Variants in POLR3A observed in about 807,000 individuals in gnomAD.
POLR3A encodes the protein RNA polymerase III subunit A, also known as DNA-directed RNA polymerase III subunit RPC1.
Under a neutral mutation model 152.8 loss-of-function variants are expected in POLR3A, and 112 were observed. The observed-to-expected ratio is 0.73, with a 90% confidence interval of 0.63 to 0.86. POLR3A has a LOEUF of 0.86. POLR3A is among the 40% of genes least tolerant of loss of function. The probability of loss-of-function intolerance (pLI) is 0.00; values close to 1 mark genes in which losing one functional copy is unlikely to be tolerated. For missense variants in POLR3A, 1,385 were observed against 1,743.1 expected, an observed-to-expected ratio of 0.79 and a Z score of 3.66; for synonymous variants, 615 against 652.1, an observed-to-expected ratio of 0.94 and a Z score of 0.87.
At chr10:77,991,234 G>A in intron 20 of POLR3A, 67 bp from the exon 21 acceptor site, 1 of 889,006 alleles carries the variant, frequency 1.1e-6, no homozygotes. Context: ...GTAGATGAGA[G>A]AACTTACAAA....
intron 8 of POLR3A, 22 bp from the exon 9 acceptor site, chr10:78,019,287 A>G (rs1295990554): frequency 3.4e-6 from 5 of 1,457,638 alleles, no homozygotes; most frequent in African/African-American, 2.8e-5. Context: ...AAAAACCACA[A>G]TAAGTTACTC....
chr10:78,002,377 T>A, intron 16 of POLR3A, 69 bp from the exon 17 acceptor site: 1 of 1,028,100 alleles, frequency 9.7e-7, no homozygotes, highest in Non-Finnish European at 1.5e-6. Flanking sequence ...ATGTTCAATC[T>A]AACATTTAAA....
At chr10:78,028,169 A>G (rs57685632) in intron 1 of POLR3A, among the ~76,000 whole-genome samples, 3,193 of 152,314 alleles carry the variant, frequency 0.021, 114 homozygotes, top group African/African-American at 0.072. Flanking sequence ...TCTTATCAAG[A>G]TACTCTCCTG....
At chr10:77,994,276 C>T (rs1176202612) in intron 19 of POLR3A, among the ~76,000 whole-genome samples, 6 of 152,078 alleles carry the variant, frequency 3.9e-5, no homozygotes, top group East Asian at 1.9e-4. Context: ...TGGAAATAGG[C>T]GTCTACTGAC....
Position 78,029,481 on chromosome 10 carries a change from G to C in POLR3A, c.-74C>G, listed in dbSNP as rs571637697. The C allele has an allele frequency of 2.6e-6, 4 of 1,516,628 alleles. No homozygotes were observed. The African/African-American group carries it at 4.1e-5, about 16-fold the overall frequency. 93.9% of individuals were successfully genotyped at this position (1,516,628 alleles called of 1,614,324 possible). A position where few individuals can be genotyped will look rare whatever the true frequency, so the allele number is the denominator to read the frequency against. ...AGAAACGATGCCCCCAGCACCTCCT[G>C]GGGCTGCTTCTGGACTCGCCGCTAA... On this transcript the variant is annotated 5_prime_UTR_variant, in exon 1 of 31. Coordinates refer to ENST00000372371, the MANE Select transcript of POLR3A (RefSeq NM_007055.4).
At chr10:78,026,712 T>C (rs1270441812) in intron 1 of POLR3A, among the ~76,000 whole-genome samples, 2 of 152,206 alleles carry the variant, frequency 1.3e-5, no homozygotes, top group African/African-American at 4.8e-5. Context: ...TCTTATCTTC[T>C]CATCCTACAC....
At chr10:78,002,351 T>A (rs1847365749) in intron 16 of POLR3A, 43 bp from the exon 17 acceptor site, 3 of 1,187,142 alleles carry the variant, frequency 2.5e-6, no homozygotes, top group Non-Finnish European at 3.7e-6. Flanking sequence ...GTCCTCATTG[T>A]CTCTGTGGAT....
chr10:78,008,998 C>CA (rs1847437411), intron 14 of POLR3A, among the ~76,000 whole-genome samples: 1 of 151,342 alleles, frequency 6.6e-6, no homozygotes, highest in Non-Finnish European at 1.5e-5. Context: ...ACTAAAAATA[C>CA]AAAAATAAGC....
intron 29 of POLR3A, 68 bp from the exon 30 acceptor site, chr10:77,980,341 G>GTGCAC (rs1847128715): frequency 6.7e-7 from 1 of 1,488,372 alleles, no homozygotes; most frequent in East Asian, 2.3e-5. Context: ...CCAAAGCACG[G>GTGCAC]TGCACCTTCA....
intron 21 of POLR3A, among the ~76,000 whole-genome samples, chr10:77,987,913 G>A (rs987608922): frequency 1.3e-5 from 2 of 152,232 alleles, no homozygotes; most frequent in Non-Finnish European, 2.9e-5. Context: ...GCCTGAATGA[G>A]GTCAGCGCTT....
rs1481067422 is a variant in POLR3A at position 77,984,015 on chromosome 10, G to A, written c.3337-3C>T. 1 of 1,593,764 alleles carries A rather than the reference G, an allele frequency of 6.3e-7. No homozygotes were observed. The highest frequency in any genetic ancestry group is 8.6e-7 in the Non-Finnish European group (1 of 1,161,954). ...ACTTCTTCAATATACTCGGAAATCT[G>A]GAGTGTCAAAAGATCAGACTGTTAA... On this transcript the variant is annotated splice_polypyrimidine_tract_variant and splice_region_variant and intron_variant, in intron 25 of 30. Coordinates refer to ENST00000372371, the MANE Select transcript of POLR3A (RefSeq NM_007055.4).
rs1055773109 is a variant in POLR3A, at chr10:78,001,206, T to C, written c.2360-112A>G. ...TAGGCCCTTATGCTCAATGAGGTCA[T>C]GGTCCTGGAACAGTAGAAGACAGAA... On this transcript the variant is annotated intron_variant, in intron 17 of 30. Transcript: ENST00000372371. 42 of 660,132 alleles carry C rather than the reference T, an allele frequency of 6.4e-5. No homozygotes were observed. In the African/African-American group the frequency reaches 7.5e-4, roughly 12 times the overall value. 40.9% of individuals were successfully genotyped at this position (660,132 alleles called of 1,614,324 possible). A position where few individuals can be genotyped will look rare whatever the true frequency, so the allele number is the denominator to read the frequency against.
intron 21 of POLR3A, among the ~76,000 whole-genome samples, chr10:77,989,209 G>T (rs189818110): frequency 1.3e-5 from 2 of 152,332 alleles, no homozygotes; most frequent in Admixed American, 1.3e-4. Flanking sequence ...TCACAACATG[G>T]CTATTGGCAG....
At chr10:77,986,356 C>T (rs1036215638) in intron 21 of POLR3A, among the ~76,000 whole-genome samples, 197 bp from the exon 22 acceptor site, 1 of 152,156 alleles carries the variant, frequency 6.6e-6, no homozygotes, top group African/African-American at 2.4e-5. Flanking sequence ...ACTGTCCATA[C>T]CCCAGACACA....
Position 78,012,345 on chromosome 10 carries a change from CAA to C in POLR3A, c.1572+1303_1572+1304del, listed in dbSNP as rs560742102. 3.7e-3 allele frequency among the ~76,000 whole-genome samples: 515 copies of C among 138,546 alleles called. 4 individuals carry two copies. The highest frequency in any genetic ancestry group is 0.013 in the African/African-American group (480 of 36,844). 90.9% of individuals were successfully genotyped at this position (138,546 alleles called of 152,430 possible). A position where few individuals can be genotyped will look rare whatever the true frequency, so the allele number is the denominator to read the frequency against. On this transcript the variant is annotated intron_variant, in intron 11 of 30. Coordinates refer to ENST00000372371, the MANE Select transcript of POLR3A (RefSeq NM_007055.4). ...CATCATTGCACTCCAGCCTGGGCAA[CAA>C]GAGTAAAACTCCGTCTCAAACAAAC...
chr10:78,019,635 T>C, intron 8 of POLR3A: 1 of 316,130 alleles, frequency 3.2e-6, no homozygotes, highest in Non-Finnish European at 6.1e-6. Context: ...TTAAAAGTTG[T>C]GACACCAGCA....
chr10:77,981,373 C>T (rs1473508384), intron 29 of POLR3A, 55 bp downstream of exon 29: 4 of 1,555,338 alleles, frequency 2.6e-6, no homozygotes, highest in Non-Finnish European at 3.5e-6. Flanking sequence ...GGCTTATTCT[C>T]CTGAAAGTGA....
At chr10:77,988,546 A>C (rs1223649188) in intron 21 of POLR3A, among the ~76,000 whole-genome samples, 1 of 152,168 alleles carries the variant, frequency 6.6e-6, no homozygotes, top group Non-Finnish European at 1.5e-5. Context: ...TAGAGTTCTC[A>C]AGAAACTCTT....
intron 19 of POLR3A, among the ~76,000 whole-genome samples, chr10:77,998,215 G>A (rs1847321200): frequency 6.6e-6 from 1 of 152,166 alleles, no homozygotes; most frequent in African/African-American, 2.4e-5. Flanking sequence ...AGAAAACCTA[G>A]GCAATAGCAT....
Sources: gnomAD v4.1 joint callset for allele counts (sites outside exome capture counted in the v4.1 genomes callset) on GRCh38, gnomAD v4.1.1 for gene constraint, MANE v1.5 for transcripts, NCBI Gene and HGNC (gene_info 2026-07-23, HGNC 2026-07-21) for gene names.